RGS6: variants seen among roughly 807,000 people sequenced by gnomAD.
The protein encoded by RGS6 is regulator of G protein signaling 6.
RGS6 carries 30 observed loss-of-function variants against 78.5 expected under a neutral mutation model. That is an observed-to-expected ratio of 0.38 (90% CI 0.29 to 0.52). The LOEUF (loss-of-function observed/expected upper bound fraction) is 0.52, where lower values mean the gene tolerates loss of function less well. Among genes scored for constraint, RGS6 ranks in the 20% least tolerant of loss-of-function variants. The probability of loss-of-function intolerance (pLI) is 0.85; values close to 1 mark genes in which losing one functional copy is unlikely to be tolerated. For missense variants in RGS6, 495 were observed against 609.7 expected (o/e 0.81, Z 1.98); for synonymous variants, 206 against 206.0 (o/e 1.00, Z 0.00).
intron 2 of RGS6, among the ~76,000 whole-genome samples, chr14:71,988,186 T>G (rs1041484726): frequency 6.6e-6 from 1 of 152,192 alleles, no homozygotes; most frequent in Non-Finnish European, 1.5e-5. Context: ...AAACAGATGA[T>G]AAAGTCTAAC....
chr14:72,521,196 T>C (rs76463410), intron 15 of RGS6, among the ~76,000 whole-genome samples: 6,011 of 152,346 alleles, frequency 0.039, 397 homozygotes, highest in African/African-American at 0.14. Flanking sequence ...CTTTTCTCTA[T>C]GCTGACAATC....
the RGS6 span, among the ~76,000 whole-genome samples, chr14:71,883,828 G>A: frequency 1.3e-5 from 2 of 152,176 alleles, no homozygotes; most frequent in Non-Finnish European, 2.9e-5. Context: ...CCTTGGCAAT[G>A]TCAGGAAGTT....
At chr14:72,068,498 A>T (rs1308928963) in intron 2 of RGS6, among the ~76,000 whole-genome samples, 48 of 117,308 alleles carry the variant, frequency 4.1e-4, no homozygotes, top group Admixed American at 5.3e-4. Flanking sequence ...CACTCTTCCT[A>T]TTTTTTTTTT....
Position 72,364,379 on chromosome 14 carries a change from A to G in RGS6, c.184+12185A>G, listed in dbSNP as rs1348203302. On this transcript the variant is annotated intron_variant, in intron 3 of 17. Transcript: ENST00000553525. ...AGTTGAAACGCATTAATACATGGCCACCCTGTTACTGTGGCAAGAGAAGCT... is the reference window on the plus strand; with the variant it reads ...AGTTGAAACGCATTAATACATGGCCGCCCTGTTACTGTGGCAAGAGAAGCT... Among the ~76,000 whole-genome samples, 4 of 152,302 alleles carry G rather than the reference A, an allele frequency of 2.6e-5. No individual in the cohort carries two copies. The East Asian group carries it at 7.7e-4, about 29-fold the overall frequency.
intron 2 of RGS6, among the ~76,000 whole-genome samples, chr14:71,968,470 C>T (rs1177687087): frequency 6.6e-6 from 1 of 152,040 alleles, no homozygotes; most frequent in Non-Finnish European, 1.5e-5. Flanking sequence ...TCTCTCAAAA[C>T]GTAGAAGAAC....
At chr14:72,053,410 A>G (rs946119962) in intron 2 of RGS6, among the ~76,000 whole-genome samples, 2 of 151,654 alleles carry the variant, frequency 1.3e-5, no homozygotes, top group African/African-American at 4.9e-5. Context: ...GAGCCACCGC[A>G]CCCAGCCAGC....
the RGS6 span, among the ~76,000 whole-genome samples, chr14:72,623,865 G>A: frequency 0.01 from 1,525 of 152,176 alleles, 25 homozygotes; most frequent in African/African-American, 0.034. Flanking sequence ...TAGGAGTCCT[G>A]GGAGAAATAA....
chr14:72,266,266 C>CT (rs2059057331), intron 2 of RGS6, among the ~76,000 whole-genome samples: 1 of 152,168 alleles, frequency 6.6e-6, no homozygotes, highest in African/African-American at 2.4e-5. Flanking sequence ...ACTGGGGCTT[C>CT]CACACATGGT....
chr14:72,534,945 A>G (rs1054485757), intron 15 of RGS6, among the ~76,000 whole-genome samples: 21 of 152,222 alleles, frequency 1.4e-4, no homozygotes, highest in Non-Finnish European at 2.9e-4. Context: ...TTCCTCCACC[A>G]GGACAGCCAT....
intron 15 of RGS6, among the ~76,000 whole-genome samples, chr14:72,532,850 G>A (rs1301528234): frequency 6.6e-6 from 1 of 152,228 alleles, no homozygotes; most frequent in Admixed American, 6.5e-5. Context: ...GCTAACAGAG[G>A]TTGGTTCATG....
At chr14:72,536,366 G>A in intron 16 of RGS6, 91 bp downstream of exon 16, 1 of 935,224 alleles carries the variant, frequency 1.1e-6, no homozygotes, top group South Asian at 1.3e-5. Flanking sequence ...CATCCCTTGG[G>A]TTTTATTTAT....
Position 72,396,266 on chromosome 14 carries a change from T to A in RGS6, c.184+44072T>A, listed in dbSNP as rs569829013. Among the ~76,000 whole-genome samples the A allele has an allele frequency of 5.4e-4, 83 of 152,372 alleles. 1 individual carries two copies. Among genetic ancestry groups the A allele is most frequent in the African/African-American group, 1.7e-3 (71 of 41,590 alleles). On this transcript the variant is annotated intron_variant, in intron 3 of 17. Coordinates refer to ENST00000553525, the MANE Select transcript of RGS6 (RefSeq NM_001204424.2). Reference sequence around the variant, plus strand: ...GGATGGTATCTCATTGTGGTTTTGATTTGCATTTCTCTGATGGCCAGTGAT... The same window carrying A: ...GGATGGTATCTCATTGTGGTTTTGAATTGCATTTCTCTGATGGCCAGTGAT...
chr14:71,954,473 A>T (rs1005815769), intron 1 of RGS6, among the ~76,000 whole-genome samples: 1 of 152,180 alleles, frequency 6.6e-6, no homozygotes. Context: ...ATATGTGTAT[A>T]CTTATGGGGT....
At chr14:72,307,882 C>T (rs1450400656) in intron 2 of RGS6, among the ~76,000 whole-genome samples, 1 of 152,140 alleles carries the variant, frequency 6.6e-6, no homozygotes, top group African/African-American at 2.4e-5. Context: ...TAAAGGTCTT[C>T]ATGCCCTGAT....
chr14:71,924,937 C>A, the RGS6 span, among the ~76,000 whole-genome samples: 2 of 152,094 alleles, frequency 1.3e-5, no homozygotes, highest in Non-Finnish European at 1.5e-5. Flanking sequence ...CGGTAGATAC[C>A]CAGTAGTGGG....
intron 14 of RGS6, chr14:72,516,996 C>G (rs532340821): frequency 3.3e-5 from 5 of 151,998 alleles, no homozygotes; most frequent in Non-Finnish European, 7.3e-5. Context: ...TTTGGGGACA[C>G]ACACACACAC....
At position 72,464,071 on chromosome 14, in the gene RGS6, T is replaced by C. The variant is rs112967690; in HGVS notation, c.395-1687T>C. 4.2e-3 allele frequency among the ~76,000 whole-genome samples: 638 copies of C among 152,344 alleles called. 2 individuals carry two copies. The highest frequency in any genetic ancestry group is 0.015 in the African/African-American group (604 of 41,584). On this transcript the variant is annotated intron_variant, in intron 6 of 17. Transcript: ENST00000553525. ...TTTCTTAAATCAACCGCACTCAAAATAAACTACCCTGTTTTGGTATCTTTA... is the reference window on the plus strand; with the variant it reads ...TTTCTTAAATCAACCGCACTCAAAACAAACTACCCTGTTTTGGTATCTTTA...
chr14:72,258,727 G>C (rs1251541069), intron 2 of RGS6, among the ~76,000 whole-genome samples: 1 of 152,176 alleles, frequency 6.6e-6, no homozygotes, highest in Non-Finnish European at 1.5e-5. Flanking sequence ...CACAGGGCTT[G>C]TTGTGAAGAT....
chr14:72,424,180 T>G (rs557096555), intron 3 of RGS6, among the ~76,000 whole-genome samples: 2 of 152,202 alleles, frequency 1.3e-5, no homozygotes, highest in African/African-American at 4.8e-5. Context: ...TGCCCTCTCC[T>G]GGAGTCACAA....
Sources: allele counts gnomAD v4.1 joint callset (sites outside exome capture counted in the v4.1 genomes callset), GRCh38; gene constraint gnomAD v4.1.1; transcripts MANE v1.5; gene names NCBI Gene and HGNC (gene_info 2026-07-23, HGNC 2026-07-21).